GRM8: variants seen among roughly 807,000 people sequenced by gnomAD.
GRM8 encodes the protein metabotropic glutamate receptor 8.
Under a neutral mutation model 87.2 loss-of-function variants are expected in GRM8, and 47 were observed. The observed-to-expected ratio is 0.54, with a 90% CI of 0.43 to 0.69. GRM8 has a LOEUF of 0.69. GRM8 is among the 30% of genes least tolerant of loss of function. The pLI is 0.00. For synonymous variants in GRM8, 396 were observed against 404.5 expected (o/e 0.98, Z 0.25); for missense variants, 1,019 against 1,139.2 (o/e 0.89, Z 1.52).
chr7:127,114,244 A>G (rs1271006261), intron 2 of GRM8, among the ~76,000 whole-genome samples: 3 of 152,196 alleles, frequency 2.0e-5, no homozygotes, highest in Admixed American at 6.5e-5. Context: ...TCAGAGCAGG[A>G]TGTGAGCCTT....
intron 3 of GRM8, among the ~76,000 whole-genome samples, chr7:126,909,678 C>A (rs1222927922): frequency 6.6e-6 from 1 of 152,080 alleles, no homozygotes; most frequent in Admixed American, 6.6e-5. Context: ...ATTTAAAGAT[C>A]ATTTGTTGAA....
intron 7 of GRM8, among the ~76,000 whole-genome samples, chr7:126,649,647 T>C (rs763448554): frequency 1.3e-5 from 2 of 152,176 alleles, no homozygotes; most frequent in African/African-American, 2.4e-5. Flanking sequence ...AGGTGAAGGA[T>C]AAGTTGCTGC....
chr7:126,842,396 GA>G (rs1586160602), intron 6 of GRM8, among the ~76,000 whole-genome samples: 1 of 152,166 alleles, frequency 6.6e-6, no homozygotes, highest in East Asian at 1.9e-4. Flanking sequence ...TATATAGTAA[GA>G]AGAAAAAGAC....
chr7:126,626,386 G>T (rs551397634), intron 7 of GRM8, among the ~76,000 whole-genome samples: 1 of 152,048 alleles, frequency 6.6e-6, no homozygotes, highest in East Asian at 1.9e-4. Flanking sequence ...TAATATACCT[G>T]TAGTTGACAT....
At chr7:126,951,288 G>T (rs561230681) in intron 3 of GRM8, among the ~76,000 whole-genome samples, 1 of 152,206 alleles carries the variant, frequency 6.6e-6, no homozygotes, top group East Asian at 1.9e-4. Context: ...CAGAGGGCAG[G>T]TGTCAAAGAG....
intron 7 of GRM8, among the ~76,000 whole-genome samples, chr7:126,624,173 T>G (rs192081620): frequency 1.7e-4 from 26 of 152,318 alleles, no homozygotes; most frequent in Non-Finnish European, 2.6e-4. Context: ...AATATCCCTC[T>G]TCTTGATATC....
intron 2 of GRM8, among the ~76,000 whole-genome samples, chr7:127,153,578 T>C (rs1240494402): frequency 6.6e-6 from 1 of 152,116 alleles, no homozygotes; most frequent in East Asian, 1.9e-4. Context: ...CTTTGGGATA[T>C]GGTAGAGCAA....
At chr7:126,762,305 A>C (rs1057036903) in intron 7 of GRM8, among the ~76,000 whole-genome samples, 2 of 152,140 alleles carry the variant, frequency 1.3e-5, no homozygotes, top group African/African-American at 4.8e-5. Flanking sequence ...CAGACCTGGA[A>C]GAGAACTCAA....
chr7:127,205,496 C>T (rs1234733454), intron 2 of GRM8, among the ~76,000 whole-genome samples: 1 of 152,196 alleles, frequency 6.6e-6, no homozygotes, highest in Non-Finnish European at 1.5e-5. Context: ...GGCCTTCTTG[C>T]TAGTTGTCTC....
chr7:126,699,330 A>T (rs1170068766), intron 7 of GRM8, among the ~76,000 whole-genome samples: 1 of 152,234 alleles, frequency 6.6e-6, no homozygotes, highest in Non-Finnish European at 1.5e-5. Flanking sequence ...ATAAGAAGTG[A>T]ATTCGACAAA....
chr7:126,996,393 T>C (rs910023195), intron 3 of GRM8, among the ~76,000 whole-genome samples: 2 of 151,898 alleles, frequency 1.3e-5, no homozygotes, highest in African/African-American at 4.8e-5. Flanking sequence ...CAACAACTTT[T>C]TAAGACACAA....
chr7:126,451,347 T>C (rs1334113584), intron 9 of GRM8, among the ~76,000 whole-genome samples: 1 of 151,730 alleles, frequency 6.6e-6, no homozygotes, highest in Admixed American at 6.6e-5. Context: ...TTTTTTATAC[T>C]CCCACCCTAT....
At chr7:127,207,714 C>G (rs148989674) in intron 2 of GRM8, among the ~76,000 whole-genome samples, 121 of 152,226 alleles carry the variant, frequency 7.9e-4, no homozygotes, top group Admixed American at 1.6e-3. Flanking sequence ...CGATGGGAAG[C>G]CAGACCCGTC....
rs542175127 is a variant in GRM8 at position 126,842,585 on chromosome 7, TA to T, written c.1156+59956del. Reference sequence around the variant, plus strand: ...ATTAAGATGGCTGATCAGCTGGATTTAAAATAAGAAGATTACCCTGGATTAT... The same window carrying T: ...ATTAAGATGGCTGATCAGCTGGATTTAAATAAGAAGATTACCCTGGATTAT... On this transcript the variant is annotated intron_variant, in intron 6 of 10. Transcript: ENST00000339582. Among the ~76,000 whole-genome samples the T allele has an allele frequency of 4.1e-4, 63 of 152,268 alleles. 1 individual carries two copies. The highest frequency in any genetic ancestry group is 1.4e-3 in the African/African-American group (57 of 41,552).
intron 3 of GRM8, among the ~76,000 whole-genome samples, chr7:127,004,768 G>A (rs753954723): frequency 6.6e-6 from 1 of 151,560 alleles, no homozygotes; most frequent in Non-Finnish European, 1.5e-5. Flanking sequence ...TGTCTAGTAG[G>A]TGAAATTTGA....
At chr7:126,705,433 G>A (rs1810390936) in intron 7 of GRM8, among the ~76,000 whole-genome samples, 1 of 152,102 alleles carries the variant, frequency 6.6e-6, no homozygotes, top group African/African-American at 2.4e-5. Flanking sequence ...AGCTATGTAA[G>A]TCACTAAACA....
intron 2 of GRM8, among the ~76,000 whole-genome samples, chr7:127,154,687 G>C (rs1024451315): frequency 6.6e-6 from 1 of 151,876 alleles, no homozygotes; most frequent in African/African-American, 2.4e-5. Context: ...GCATTTCTTA[G>C]ATATCAATTC....
intron 6 of GRM8, among the ~76,000 whole-genome samples, chr7:126,851,498 T>C (rs998384756): frequency 2.6e-5 from 4 of 152,192 alleles, no homozygotes; most frequent in Admixed American, 1.3e-4. Flanking sequence ...ATGTGCTTGG[T>C]CTGGATCTTC....
chr7:126,749,022 C>G (rs1170625449), intron 7 of GRM8, among the ~76,000 whole-genome samples: 3 of 152,098 alleles, frequency 2.0e-5, no homozygotes, highest in Non-Finnish European at 2.9e-5. Flanking sequence ...ACCTGTAATC[C>G]CAGTACTTTG....
Sources: allele counts gnomAD v4.1 joint callset (sites outside exome capture counted in the v4.1 genomes callset), GRCh38; gene constraint gnomAD v4.1.1; transcripts MANE v1.5; gene names NCBI Gene and HGNC (gene_info 2026-07-23, HGNC 2026-07-21).